CYP19A1: variants seen among roughly 807,000 people sequenced by gnomAD.
The protein encoded by CYP19A1 is aromatase.
A neutral mutation model predicts 44.4 loss-of-function variants in CYP19A1; 32 were observed. The ratio of observed to expected loss-of-function variants is 0.72; its 90% confidence interval spans 0.54 to 0.97. CYP19A1 has a LOEUF of 0.97. Ranked by LOEUF, CYP19A1 falls within the 50% of genes least tolerant of loss-of-function variation. The pLI, the probability that CYP19A1 is intolerant of heterozygous loss-of-function variation, is 0.00. For synonymous variants in CYP19A1, 212 were observed against 215.6 expected (o/e 0.98, Z 0.14); for missense variants, 598 against 637.8 (o/e 0.94, Z 0.67).
intron 1 of CYP19A1, among the ~76,000 whole-genome samples, chr15:51,246,735 G>T (rs1170964778): frequency 6.6e-6 from 1 of 152,178 alleles, no homozygotes; most frequent in Non-Finnish European, 1.5e-5. Flanking sequence ...CCCTGGCCTT[G>T]TGGAACTTCT....
intron 1 of CYP19A1, among the ~76,000 whole-genome samples, chr15:51,250,880 A>G (rs571024145): frequency 1.3e-5 from 2 of 152,212 alleles, no homozygotes; most frequent in South Asian, 4.1e-4. Flanking sequence ...CCCAGAGTAG[A>G]TAAGGTAGTG....
At chr15:51,235,585 G>A (rs1375224714) in intron 3 of CYP19A1, among the ~76,000 whole-genome samples, 1 of 152,052 alleles carries the variant, frequency 6.6e-6, no homozygotes, top group Non-Finnish European at 1.5e-5. Flanking sequence ...AAAATCCCAG[G>A]TCAAAAAAAT....
chr15:51,306,856 TC>T (rs1359124451), intron 1 of CYP19A1, among the ~76,000 whole-genome samples: 1 of 152,176 alleles, frequency 6.6e-6, no homozygotes, highest in African/African-American at 2.4e-5. Flanking sequence ...CTTAAGCCCT[TC>T]TTGGAAGGAA....
intron 1 of CYP19A1, among the ~76,000 whole-genome samples, chr15:51,303,647 C>T (rs2097948708): frequency 6.6e-6 from 1 of 151,776 alleles, no homozygotes; most frequent in Non-Finnish European, 1.5e-5. Flanking sequence ...TGAGCAAATA[C>T]AAGGAAGTGA....
At chr15:51,214,798 A>C (rs1329330019) in intron 8 of CYP19A1, among the ~76,000 whole-genome samples, 2 of 152,194 alleles carry the variant, frequency 1.3e-5, no homozygotes, top group Non-Finnish European at 2.9e-5. Flanking sequence ...AGGAGAGCGG[A>C]AAGGATTGGG....
At chr15:51,288,673 C>A (rs1309624503) in intron 1 of CYP19A1, among the ~76,000 whole-genome samples, 2 of 152,222 alleles carry the variant, frequency 1.3e-5, no homozygotes, top group Admixed American at 1.3e-4. Flanking sequence ...CCAGATCTGA[C>A]CTTCTGGCCC....
At chr15:51,226,220 G>A (rs897613717) in intron 4 of CYP19A1, among the ~76,000 whole-genome samples, 30 of 152,018 alleles carry the variant, frequency 2.0e-4, no homozygotes, top group Admixed American at 1.4e-3. Context: ...ACTGTTGATG[G>A]CTTTGAAGTT....
Position 51,209,366 on chromosome 15 carries a change from T to A in CYP19A1, c.*1442A>T, listed in dbSNP as rs2030704220. The A allele has an allele frequency of 6.6e-6, 1 of 152,206 alleles. No homozygotes were observed. The highest frequency in any genetic ancestry group is 2.4e-5 in the African/African-American group (1 of 41,450). 9.4% of individuals were successfully genotyped at this position (152,206 alleles called of 1,614,324 possible). A position where few individuals can be genotyped will look rare whatever the true frequency, so the allele number is the denominator to read the frequency against. ...TAGATTACAAAAGAAAGAAAGTAGCTCCTGCTTTCAGGGAGATTACACTGT... is the reference window on the plus strand; with the variant it reads ...TAGATTACAAAAGAAAGAAAGTAGCACCTGCTTTCAGGGAGATTACACTGT... On this transcript the variant is annotated 3_prime_UTR_variant, in exon 10 of 10. Coordinates refer to ENST00000396402, the MANE Select transcript of CYP19A1 (RefSeq NM_000103.4).
chr15:51,289,389 C>T (rs1040001237), intron 1 of CYP19A1, among the ~76,000 whole-genome samples: 2 of 152,176 alleles, frequency 1.3e-5, no homozygotes, highest in Admixed American at 6.5e-5. Flanking sequence ...GGGCATGGAG[C>T]AGCTCTCCTA....
chr15:51,218,034 A>C (rs1378966471), intron 6 of CYP19A1, among the ~76,000 whole-genome samples: 2 of 152,208 alleles, frequency 1.3e-5, no homozygotes, highest in Non-Finnish European at 2.9e-5. Flanking sequence ...CCAAAACACA[A>C]GATACATAAT....
At chr15:51,248,019 GCTTC>G (rs965310203) in intron 1 of CYP19A1, among the ~76,000 whole-genome samples, 4 of 151,888 alleles carry the variant, frequency 2.6e-5, no homozygotes, top group Admixed American at 1.3e-4. Flanking sequence ...CAAATTCCTG[GCTTC>G]CTTCTTTGCC....
In CYP19A1 at chr15:51,285,859, C is replaced by T. The variant is rs138925221; in HGVS notation, c.-38-42909G>A. Among the ~76,000 whole-genome samples, 1,217 of 152,308 alleles carry T rather than the reference C, an allele frequency of 8.0e-3. 14 individuals carry two copies. Among genetic ancestry groups the T allele is most frequent in the African/African-American group, 0.028 (1,152 of 41,556 alleles). ...TTTTCTCTCTCAAACTGTGTTTTCT[C>T]ATTCCTTTGACTCCGCCAGACTTCG... On this transcript the variant is annotated intron_variant, in intron 1 of 9. Coordinates refer to ENST00000396402, the MANE Select transcript of CYP19A1 (RefSeq NM_000103.4).
intron 1 of CYP19A1, among the ~76,000 whole-genome samples, chr15:51,253,971 G>T (rs766547401): frequency 6.6e-6 from 1 of 152,188 alleles, no homozygotes; most frequent in Non-Finnish European, 1.5e-5. Flanking sequence ...GCATAAAGCA[G>T]TTGGGGGATA....
At chr15:51,324,210 A>T (rs1024934389) in intron 1 of CYP19A1, among the ~76,000 whole-genome samples, 1 of 152,236 alleles carries the variant, frequency 6.6e-6, no homozygotes, top group Non-Finnish European at 1.5e-5. Flanking sequence ...ACCAGCCCCA[A>T]AAAGAGTGGA....
chr15:51,282,793 G>A lies in CYP19A1; in HGVS notation c.-38-39843C>T, dbSNP rs1056510516. On this transcript the variant is annotated intron_variant, in intron 1 of 9. Coordinates refer to ENST00000396402, the MANE Select transcript of CYP19A1 (RefSeq NM_000103.4). Reference sequence around the variant, plus strand: ...AAAGGACACCCAAGGATGACTAAAGGAAGCTTGGTGGGAAAGCTGAGGGCT... The same window carrying A: ...AAAGGACACCCAAGGATGACTAAAGAAAGCTTGGTGGGAAAGCTGAGGGCT... Among the ~76,000 whole-genome samples the A allele has an allele frequency of 3.3e-5, 5 of 152,336 alleles. No homozygotes were observed. In the East Asian group the frequency reaches 9.6e-4, roughly 29 times the overall value.
At chr15:51,294,441 C>T (rs1251536813) in intron 1 of CYP19A1, among the ~76,000 whole-genome samples, 43 of 147,732 alleles carry the variant, frequency 2.9e-4, no homozygotes, top group African/African-American at 6.5e-4. Context: ...GCCTGGCAAC[C>T]GCCCCGTCTG....
At chr15:51,307,046 G>A (rs1350493061) in intron 1 of CYP19A1, among the ~76,000 whole-genome samples, 1 of 152,238 alleles carries the variant, frequency 6.6e-6, no homozygotes, top group Non-Finnish European at 1.5e-5. Context: ...GGAGATGTTT[G>A]GAAAAGCAAT....
At chr15:51,304,667 T>C (rs1358499151) in intron 1 of CYP19A1, among the ~76,000 whole-genome samples, 4 of 152,246 alleles carry the variant, frequency 2.6e-5, no homozygotes, top group African/African-American at 9.6e-5. Flanking sequence ...ATTGAAGTTA[T>C]TCTTAGAAAG....
At chr15:51,303,481 A>G (rs376369395) in intron 1 of CYP19A1, among the ~76,000 whole-genome samples, 133 of 152,252 alleles carry the variant, frequency 8.7e-4, no homozygotes, top group South Asian at 8.7e-3. Flanking sequence ...AACAACATAA[A>G]CATGTGAAAA....
Sources: allele counts gnomAD v4.1 joint callset (sites outside exome capture counted in the v4.1 genomes callset), GRCh38; gene constraint gnomAD v4.1.1; transcripts MANE v1.5; gene names NCBI Gene and HGNC (gene_info 2026-07-23, HGNC 2026-07-21).